Variants in ZNF740 observed in about 807,000 individuals in gnomAD.
ZNF740 encodes the protein oriLyt TD-element-binding protein 7.
Under a neutral mutation model 24.8 loss-of-function variants are expected in ZNF740, and 14 were observed. The observed-to-expected ratio is 0.56, with a 90% CI of 0.37 to 0.88. ZNF740 has a LOEUF of 0.88. Among genes scored for constraint, ZNF740 ranks in the 40% least tolerant of loss-of-function variants. The pLI, the probability that ZNF740 is intolerant of heterozygous loss-of-function variation, is 0.00. For synonymous variants in ZNF740, 69 were observed against 84.0 expected, an observed-to-expected ratio of 0.82 and a Z score of 0.98; for missense variants, 201 against 247.9, an observed-to-expected ratio of 0.81 and a Z score of 1.27.
rs922056233 is a variant in ZNF740, at chr12:53,188,249, A to C, written c.*659A>C. On this transcript the variant is annotated 3_prime_UTR_variant, in exon 7 of 7. Transcript: ENST00000416904. ...GGTGGAGCAGACAAGGGCTGGATCCAAAAAGTGGATGGCACCTCTTCCTTC... is the reference window on the plus strand; with the variant it reads ...GGTGGAGCAGACAAGGGCTGGATCCCAAAAGTGGATGGCACCTCTTCCTTC... 7.9e-5 allele frequency: 12 copies of C among 152,860 alleles called. No individual in the cohort carries two copies. The highest frequency in any genetic ancestry group is 2.9e-4 in the African/African-American group (12 of 41,466). 9.5% of individuals were successfully genotyped at this position (152,860 alleles called of 1,614,324 possible). A position where few individuals can be genotyped will look rare whatever the true frequency, so the allele number is the denominator to read the frequency against.
At chr12:53,184,589 A>C (rs1166982647) in intron 2 of ZNF740, among the ~76,000 whole-genome samples, 2 of 152,228 alleles carry the variant, frequency 1.3e-5, no homozygotes, top group African/African-American at 4.8e-5. Context: ...GTTAAGGCCT[A>C]GAAATACCTT....
At position 53,184,961 on chromosome 12, in the gene ZNF740, T is replaced by C; in HGVS notation, c.80T>C (p.Met27Thr). 1 of 1,614,028 alleles carries C rather than the reference T, an allele frequency of 6.2e-7. No individual in the cohort carries two copies. The highest frequency in any genetic ancestry group is 8.5e-7 in the Non-Finnish European group (1 of 1,179,898). ...LVPTAASKKM[M>T]LSQIASKQAE... ...CCCACTGCAGCCAGCAAGAAGATGA[T>C]GCTGAGCCAGATTGCCAGCAAGCAG... Residue 27 changes from methionine to threonine, a missense_variant, in exon 3 of 7, where the codon ATG becomes ACG. Physicochemically the swap from Met to Thr is moderately conservative, Grantham distance 81. Transcript: ENST00000416904.
chr12:53,186,112 T>C, intron 5 of ZNF740, 35 bp downstream of exon 5: 1 of 1,600,968 alleles, frequency 6.2e-7, no homozygotes, highest in Non-Finnish European at 8.5e-7. Context: ...AGGGGGAGAA[T>C]AGTCTATCGC....
intron 2 of ZNF740, 53 bp from the exon 3 acceptor site, chr12:53,184,838 G>C: frequency 1.3e-6 from 2 of 1,575,734 alleles, no homozygotes; most frequent in Admixed American, 1.8e-5. Context: ...ATGGCAGTCT[G>C]TTTTTGCCCT....
rs781290820 is a variant in ZNF740, at chr12:53,191,230, G to A, written c.*3640G>A. The stretch of plus-strand genomic sequence containing the variant: ...TGGGCACCTCTCCCTGCCCTCAGGT[G>A]GCAAGAGGAGGATGGACAAGAGCTT... On this transcript the variant is annotated 3_prime_UTR_variant, in exon 7 of 7. Coordinates refer to ENST00000416904, the MANE Select transcript of ZNF740 (RefSeq NM_001004304.4). 8.0e-5 allele frequency: 27 copies of A among 338,356 alleles called. No homozygotes were observed. Among genetic ancestry groups the A allele is most frequent in the Non-Finnish European group, 1.4e-4 (24 of 174,974 alleles). 21.0% of individuals were successfully genotyped at this position (338,356 alleles called of 1,614,324 possible).
chr12:53,181,279 G>C (rs1175364712), intron 1 of ZNF740: 1 of 985,296 alleles, frequency 1.0e-6, no homozygotes, highest in African/African-American at 1.7e-5. Flanking sequence ...TCCCGTTTCT[G>C]CCCGCCACCG....
At chr12:53,185,248 A>G in intron 3 of ZNF740, 139 bp from the exon 4 acceptor site, 2 of 1,154,798 alleles carry the variant, frequency 1.7e-6, no homozygotes, top group Non-Finnish European at 2.4e-6. Context: ...GTGCTTGGAG[A>G]GGAAATAGTT....
Position 53,193,446 on chromosome 12 carries a change from A to C in ZNF740, c.*5856A>C, listed in dbSNP as rs1202661632. On this transcript the variant is annotated 3_prime_UTR_variant, in exon 7 of 7. Transcript: ENST00000416904. The stretch of plus-strand genomic sequence containing the variant: ...GTCTCTCCCAGGAACCTCTAAACCC[A>C]AGTTCTCAAAAGAGTTGGAGACAGA... The C allele has an allele frequency of 5.0e-6, 5 of 996,472 alleles. No homozygotes were observed. In the East Asian group the frequency reaches 1.3e-4, roughly 26 times the overall value. 61.7% of individuals were successfully genotyped at this position (996,472 alleles called of 1,614,324 possible).
rs781632104 is a variant in ZNF740, at chr12:53,191,901, G to A, written c.*4311G>A. 6.2e-7 allele frequency: 1 copy of A among 1,612,628 alleles called. No individual in the cohort carries two copies. The highest frequency in any genetic ancestry group is 8.5e-7 in the Non-Finnish European group (1 of 1,180,008). On this transcript the variant is annotated 3_prime_UTR_variant, in exon 7 of 7. Coordinates refer to ENST00000416904, the MANE Select transcript of ZNF740 (RefSeq NM_001004304.4). ...GTTGCTGCTCCTTCTCAAAGCGACT[G>A]TATTCCCGGCGGTCATAGATTTCCA... is the stretch of plus-strand genomic sequence containing the variant.
rs145300521 is a variant in ZNF740, at chr12:53,188,856, A to G, written c.*1266A>G. On this transcript the variant is annotated 3_prime_UTR_variant, in exon 7 of 7. Coordinates refer to ENST00000416904, the MANE Select transcript of ZNF740 (RefSeq NM_001004304.4). ...CTTTGCTCCTCTCTGCTCCAATACC[A>G]CCACCTTGTCCACTCCCAAAAAAGT... 7 of 152,272 alleles carry G rather than the reference A, an allele frequency of 4.6e-5. No individual in the cohort carries two copies. The highest frequency in any genetic ancestry group is 1.0e-4 in the Non-Finnish European group (7 of 68,032). 9.4% of individuals were successfully genotyped at this position (152,272 alleles called of 1,614,324 possible). A position where few individuals can be genotyped will look rare whatever the true frequency, so the allele number is the denominator to read the frequency against.
Position 53,193,426 on chromosome 12 carries a change from TC to T in ZNF740, c.*5839del. 1 of 1,247,690 alleles carries T rather than the reference TC, an allele frequency of 8.0e-7. No individual in the cohort carries two copies. The highest frequency in any genetic ancestry group is 1.1e-6 in the Non-Finnish European group (1 of 914,442). 77.3% of individuals were successfully genotyped at this position (1,247,690 alleles called of 1,614,324 possible). A position where few individuals can be genotyped will look rare whatever the true frequency, so the allele number is the denominator to read the frequency against. ...GGTTTGATCACCCCTGACTTGTCTC[TC>T]CCAGGAACCTCTAAACCCAAGTTCT... On this transcript the variant is annotated 3_prime_UTR_variant, in exon 7 of 7. Transcript: ENST00000416904.
Position 53,193,649 on chromosome 12 carries a change from G to C in ZNF740, c.*6059G>C. 1 of 1,430,082 alleles carries C rather than the reference G, an allele frequency of 7.0e-7. No homozygotes were observed. Among genetic ancestry groups the C allele is most frequent in the Non-Finnish European group, 9.5e-7 (1 of 1,048,044 alleles). The allele number at this position is 1,430,082 out of a possible 1,614,324, so 88.6% of individuals were successfully genotyped here. ...GGGATGGAAAGCAGCGGAGGAATACGGGCCAGGGTTGGTTGGTTGTTGGGA... is the reference window on the plus strand; with the variant it reads ...GGGATGGAAAGCAGCGGAGGAATACCGGCCAGGGTTGGTTGGTTGTTGGGA... On this transcript the variant is annotated 3_prime_UTR_variant, in exon 7 of 7. Transcript: ENST00000416904.
chr12:53,183,412 G>A (rs772697293), intron 2 of ZNF740, among the ~76,000 whole-genome samples: 1 of 152,132 alleles, frequency 6.6e-6, no homozygotes, highest in Non-Finnish European at 1.5e-5. Flanking sequence ...GGTGGAGGGA[G>A]GGGTCCCAGA....
rs370319146 is a variant in ZNF740, at chr12:53,193,153, G to C, written c.*5563G>C. On this transcript the variant is annotated 3_prime_UTR_variant, in exon 7 of 7. Transcript: ENST00000416904. ...GGCTCCAGGTACCTCCGCAGAGGAT[G>C]CCCTCATGTCGCTCACAGCTGGCAT... 12 of 1,610,552 alleles carry C rather than the reference G, an allele frequency of 7.5e-6. No individual in the cohort carries two copies. Among genetic ancestry groups the C allele is most frequent in the African/African-American group, 5.3e-5 (4 of 74,866 alleles).
chr12:53,182,943 G>A (rs1192310732), intron 2 of ZNF740, among the ~76,000 whole-genome samples: 1 of 152,192 alleles, frequency 6.6e-6, no homozygotes, highest in African/African-American at 2.4e-5. Flanking sequence ...GGCTGTTGTA[G>A]TCATCTGAGT....
chr12:53,191,941 G>A lies in ZNF740; in HGVS notation c.*4351G>A, dbSNP rs1941967179. ...ATAGATTTCCACCGAGAGCCGGTAA[G>A]CCAGGACCAGCCCCAGCCCCACTGC... On this transcript the variant is annotated 3_prime_UTR_variant, in exon 7 of 7. Transcript: ENST00000416904. 6.2e-7 allele frequency: 1 copy of A among 1,611,330 alleles called. No homozygotes were observed.
rs6580933 is a variant in ZNF740, at chr12:53,191,970, G to A, written c.*4380G>A. ...GGACCAGCCCCAGCCCCACTGCCAC[G>A]ATGCCCCCTACGCAGCCCAGCACAA... On this transcript the variant is annotated 3_prime_UTR_variant, in exon 7 of 7. Coordinates refer to ENST00000416904, the MANE Select transcript of ZNF740 (RefSeq NM_001004304.4). 1,950 of 1,611,824 alleles carry A rather than the reference G, an allele frequency of 1.2e-3. 25 individuals are homozygous for A. In the African/African-American group the frequency reaches 0.023, roughly 19 times the overall value.
At position 53,191,928 on chromosome 12, in the gene ZNF740, C is replaced by G; in HGVS notation, c.*4338C>G. 6.2e-7 allele frequency: 1 copy of G among 1,611,134 alleles called. No individual in the cohort carries two copies. The highest frequency in any genetic ancestry group is 8.5e-7 in the Non-Finnish European group (1 of 1,180,002). On this transcript the variant is annotated 3_prime_UTR_variant, in exon 7 of 7. Coordinates refer to ENST00000416904, the MANE Select transcript of ZNF740 (RefSeq NM_001004304.4). ...ATTCCCGGCGGTCATAGATTTCCAC[C>G]GAGAGCCGGTAAGCCAGGACCAGCC...
At position 53,192,220 on chromosome 12, in the gene ZNF740, C is replaced by A; in HGVS notation, c.*4630C>A. ...TGCCTCTGCCTTTGTCCTGGATTCA[C>A]AGTTCTGCTTCAGCCCCCAGCCTGT... On this transcript the variant is annotated 3_prime_UTR_variant, in exon 7 of 7. Coordinates refer to ENST00000416904, the MANE Select transcript of ZNF740 (RefSeq NM_001004304.4). The A allele has an allele frequency of 7.7e-7, 1 of 1,297,468 alleles. No homozygotes were observed. Among genetic ancestry groups the A allele is most frequent in the Non-Finnish European group, 1.1e-6 (1 of 922,592 alleles). The allele number at this position is 1,297,468 out of a possible 1,614,324, so 80.4% of individuals were successfully genotyped here. A position where few individuals can be genotyped will look rare whatever the true frequency, so the allele number is the denominator to read the frequency against.
Sources: allele counts gnomAD v4.1 joint callset (sites outside exome capture counted in the v4.1 genomes callset), GRCh38; gene constraint gnomAD v4.1.1; transcripts MANE v1.5; gene names NCBI Gene and HGNC (gene_info 2026-07-23, HGNC 2026-07-21).